Variants in CNTN5 observed in about 807,000 individuals in gnomAD.
The protein encoded by CNTN5 is contactin-5.
In CNTN5, 77 loss-of-function variants were observed where a neutral mutation model predicts 129.1. That is an observed-to-expected ratio of 0.60 (90% CI 0.50 to 0.72). The LOEUF is 0.72. CNTN5 is among the 30% of genes least tolerant of loss of function. The pLI, the probability that CNTN5 is intolerant of heterozygous loss-of-function variation, is 0.00. For missense variants in CNTN5, 1,478 were observed against 1,328.8 expected (o/e 1.11, Z -1.75); for synonymous variants, 509 against 465.6 (o/e 1.09, Z -1.20).
chr11:100,001,945 C>A, intron 8 of CNTN5, 89 bp from the exon 9 acceptor site: 1 of 929,610 alleles, frequency 1.1e-6, no homozygotes, highest in Non-Finnish European at 1.6e-6. Flanking sequence ...AACAACCAAA[C>A]CACAGTGATT....
chr11:99,106,317 A>G lies in CNTN5; in HGVS notation c.-210+85047A>G, dbSNP rs143434108. Among the ~76,000 whole-genome samples, 6 of 152,262 alleles carry G rather than the reference A, an allele frequency of 3.9e-5. 1 individual carries two copies. The highest frequency in any genetic ancestry group is 1.2e-4 in the African/African-American group (5 of 41,588). On this transcript the variant is annotated intron_variant, in intron 1 of 24. Coordinates refer to ENST00000524871, the MANE Select transcript of CNTN5 (RefSeq NM_014361.4). ...GCAGATAACAAAATTTCATTAGTGT[A>G]ATATACTCAAACATATGCTTAAGTA...
At chr11:99,573,835 C>A (rs572594672) in intron 3 of CNTN5, among the ~76,000 whole-genome samples, 4 of 152,090 alleles carry the variant, frequency 2.6e-5, no homozygotes, top group African/African-American at 7.2e-5. Context: ...TTTGAAACTT[C>A]TCTAAGTTTC....
intron 3 of CNTN5, among the ~76,000 whole-genome samples, chr11:99,773,731 C>T (rs1057512361): frequency 6.6e-6 from 1 of 151,964 alleles, no homozygotes; most frequent in African/African-American, 2.4e-5. Context: ...TTTAAAGTTG[C>T]TATCTGAGTA....
intron 11 of CNTN5, among the ~76,000 whole-genome samples, chr11:100,070,783 T>C (rs1591179412): frequency 6.6e-6 from 1 of 152,156 alleles, no homozygotes; most frequent in African/African-American, 2.4e-5. Flanking sequence ...GTGAGAAACA[T>C]AACAAATATG....
chr11:100,212,025 G>A (rs1205612416), intron 15 of CNTN5, among the ~76,000 whole-genome samples: 4 of 151,960 alleles, frequency 2.6e-5, no homozygotes, highest in African/African-American at 9.7e-5. Context: ...CCCCATAATG[G>A]CATCTATCAC....
intron 3 of CNTN5, among the ~76,000 whole-genome samples, chr11:99,673,047 G>T (rs1357313926): frequency 1.3e-5 from 2 of 152,056 alleles, no homozygotes; most frequent in East Asian, 3.9e-4. Flanking sequence ...GACCCCAGCT[G>T]GGAGTGGTTC....
chr11:99,722,998 T>A (rs902192534), intron 3 of CNTN5, among the ~76,000 whole-genome samples: 1 of 152,068 alleles, frequency 6.6e-6, no homozygotes, highest in Admixed American at 6.6e-5. Context: ...CCAACAACAC[T>A]ATTTTTTTTT....
chr11:99,420,071 G>A (rs541921133), intron 2 of CNTN5, among the ~76,000 whole-genome samples: 2 of 152,192 alleles, frequency 1.3e-5, no homozygotes, highest in Non-Finnish European at 1.5e-5. Context: ...GACATGTCTA[G>A]TGTTAAAAAA....
At chr11:100,209,330 C>T (rs1948976570) in intron 15 of CNTN5, among the ~76,000 whole-genome samples, 1 of 152,178 alleles carries the variant, frequency 6.6e-6, no homozygotes, top group Non-Finnish European at 1.5e-5. Context: ...CATATATTGT[C>T]ACTATCAACA....
intron 7 of CNTN5, among the ~76,000 whole-genome samples, chr11:99,944,843 G>T (rs921451744): frequency 7.2e-5 from 11 of 152,082 alleles, no homozygotes; most frequent in Admixed American, 3.9e-4. Context: ...ACAAACTACT[G>T]CTCAAGGGAA....
chr11:99,375,714 C>T (rs1367127399), intron 2 of CNTN5, among the ~76,000 whole-genome samples: 1 of 152,106 alleles, frequency 6.6e-6, no homozygotes, highest in Admixed American at 6.5e-5. Context: ...TTTCTCCCTC[C>T]AGTAGTCTAT....
At chr11:99,976,536 C>T (rs2137332491) in intron 8 of CNTN5, among the ~76,000 whole-genome samples, 1 of 152,340 alleles carries the variant, frequency 6.6e-6, no homozygotes, top group East Asian at 1.9e-4. Context: ...GGTTCACAAA[C>T]CTCAGCTGTT....
intron 1 of CNTN5, among the ~76,000 whole-genome samples, chr11:99,231,358 G>A (rs1860987156): frequency 6.6e-6 from 1 of 152,090 alleles, no homozygotes; most frequent in Non-Finnish European, 1.5e-5. Context: ...GCCTGATATG[G>A]TATCTCATTC....
At chr11:99,882,159 T>G (rs1591359821) in intron 6 of CNTN5, among the ~76,000 whole-genome samples, 1 of 152,328 alleles carries the variant, frequency 6.6e-6, no homozygotes, top group East Asian at 1.9e-4. Context: ...AAAATAAGTT[T>G]AATTGTAAAA....
intron 2 of CNTN5, among the ~76,000 whole-genome samples, chr11:99,342,920 T>G (rs1046034320): frequency 6.6e-6 from 1 of 151,972 alleles, no homozygotes; most frequent in Non-Finnish European, 1.5e-5. Flanking sequence ...ATAACTTCAA[T>G]GATGGTCATT....
intron 1 of CNTN5, among the ~76,000 whole-genome samples, chr11:99,296,694 C>T (rs530111096): frequency 2.0e-5 from 3 of 152,276 alleles, no homozygotes; most frequent in Admixed American, 6.5e-5. Context: ...TTTCTGGTGC[C>T]TCCTGTTTTT....
chr11:99,762,412 G>A (rs2583154), intron 3 of CNTN5, among the ~76,000 whole-genome samples: 71,215 of 151,160 alleles, frequency 0.47, 17,264 homozygotes, highest in Non-Finnish European at 0.54. Flanking sequence ...TAACGTTTAA[G>A]TCTTTAATCC....
At chr11:100,161,151 T>TTAGA (rs1289014879) in intron 13 of CNTN5, among the ~76,000 whole-genome samples, 1 of 151,862 alleles carries the variant, frequency 6.6e-6, no homozygotes, top group Non-Finnish European at 1.5e-5. Flanking sequence ...TCAAGTAAGA[T>TTAGA]TAGATAATAA....
chr11:99,387,182 C>T (rs1190194867), intron 2 of CNTN5, among the ~76,000 whole-genome samples: 1 of 152,082 alleles, frequency 6.6e-6, no homozygotes, highest in Non-Finnish European at 1.5e-5. Flanking sequence ...CCATAGGAAA[C>T]ACCAAACTCA....
Sources: allele counts gnomAD v4.1 joint callset (sites outside exome capture counted in the v4.1 genomes callset), GRCh38; gene constraint gnomAD v4.1.1; transcripts MANE v1.5; gene names NCBI Gene and HGNC (gene_info 2026-07-23, HGNC 2026-07-21).